BABAM2: variants seen among roughly 807,000 people sequenced by gnomAD.
BABAM2 encodes BRISC and BRCA1 A complex member 2, also known as BRISC and BRCA1-A complex member 2.
Under a neutral mutation model 54.7 loss-of-function variants are expected in BABAM2, and 31 were observed. That is an observed-to-expected ratio of 0.57 (90% CI 0.43 to 0.77). The LOEUF (loss-of-function observed/expected upper bound fraction) is 0.77. Among genes scored for constraint, BABAM2 ranks in the 30% least tolerant of loss-of-function variants. The pLI is 0.00. For synonymous variants in BABAM2, 167 were observed against 162.9 expected, an observed-to-expected ratio of 1.03 and a Z score of -0.19; for missense variants, 364 against 455.8, an observed-to-expected ratio of 0.80 and a Z score of 1.83.
chr2:27,974,332 A>T (rs1671435472), intron 3 of BABAM2, among the ~76,000 whole-genome samples: 1 of 152,160 alleles, frequency 6.6e-6, no homozygotes, highest in Non-Finnish European at 1.5e-5. Context: ...ATTTAGCAAC[A>T]TATATAAAAT....
intron 11 of BABAM2, chr2:28,327,596 G>A: frequency 1.1e-6 from 1 of 949,308 alleles, no homozygotes; most frequent in Non-Finnish European, 1.5e-6. Flanking sequence ...ACCACAGTCA[G>A]CCTTCTCACA....
chr2:28,175,219 T>C (rs1207268550), intron 7 of BABAM2, among the ~76,000 whole-genome samples: 1 of 152,150 alleles, frequency 6.6e-6, no homozygotes, highest in East Asian at 1.9e-4. Flanking sequence ...CACCTGCTGC[T>C]ACTGACAGCA....
chr2:28,292,371 A>G (rs776241267), intron 10 of BABAM2, among the ~76,000 whole-genome samples: 4 of 152,134 alleles, frequency 2.6e-5, no homozygotes, highest in Admixed American at 6.5e-5. Flanking sequence ...TTTCTTAACC[A>G]TGCTTGGTGG....
intron 3 of BABAM2, among the ~76,000 whole-genome samples, chr2:27,945,246 C>G (rs774364681): frequency 7.9e-5 from 12 of 152,074 alleles, no homozygotes; most frequent in Middle Eastern, 6.8e-3. Context: ...CCAGGCTGGT[C>G]TCGAACTCCT....
At chr2:28,015,275 C>T in intron 4 of BABAM2, among the ~76,000 whole-genome samples, 1 of 152,094 alleles carries the variant, frequency 6.6e-6, no homozygotes, top group Non-Finnish European at 1.5e-5. Flanking sequence ...AAGCTCCTTC[C>T]CCAGGTAAAT....
At chr2:27,983,194 A>G (rs1416227901) in intron 3 of BABAM2, among the ~76,000 whole-genome samples, 1 of 151,954 alleles carries the variant, frequency 6.6e-6, no homozygotes, top group Non-Finnish European at 1.5e-5. Flanking sequence ...GTTTGATAGT[A>G]GCTCTTCTAA....
intron 6 of BABAM2, among the ~76,000 whole-genome samples, chr2:28,072,887 A>G (rs1360867099): frequency 6.6e-6 from 1 of 152,254 alleles, no homozygotes; most frequent in Non-Finnish European, 1.5e-5. Flanking sequence ...ACCTAGTTCC[A>G]ATAATTATCA....
At chr2:28,287,351 A>G (rs751225560) in intron 10 of BABAM2, among the ~76,000 whole-genome samples, 1 of 152,190 alleles carries the variant, frequency 6.6e-6, no homozygotes, top group Non-Finnish European at 1.5e-5. Flanking sequence ...TCTTTTAAAA[A>G]TAGAAGTTAA....
At chr2:28,017,061 A>G (rs1037102373) in intron 4 of BABAM2, among the ~76,000 whole-genome samples, 6 of 152,198 alleles carry the variant, frequency 3.9e-5, no homozygotes, top group African/African-American at 1.4e-4. Flanking sequence ...CCATCCTCAA[A>G]TTCATGTTAT....
At chr2:27,933,523 C>A (rs1348014349) in intron 3 of BABAM2, among the ~76,000 whole-genome samples, 1 of 151,432 alleles carries the variant, frequency 6.6e-6, no homozygotes, top group African/African-American at 2.4e-5. Flanking sequence ...TATATACACA[C>A]ACATATGTGA....
At chr2:28,248,316 TCTC>T (rs1683098805) in intron 10 of BABAM2, among the ~76,000 whole-genome samples, 1 of 146,552 alleles carries the variant, frequency 6.8e-6, no homozygotes, top group Non-Finnish European at 1.5e-5. Flanking sequence ...TTCAAGCAAT[TCTC>T]CTGCCTCAGC....
chr2:27,967,206 T>A (rs1159964787), intron 3 of BABAM2, among the ~76,000 whole-genome samples: 2 of 152,150 alleles, frequency 1.3e-5, no homozygotes, highest in African/African-American at 4.8e-5. Flanking sequence ...CCAGATCTCA[T>A]CTTGAATTCC....
At chr2:28,290,770 A>G (rs1315973357) in intron 10 of BABAM2, among the ~76,000 whole-genome samples, 1 of 152,182 alleles carries the variant, frequency 6.6e-6, no homozygotes, top group Non-Finnish European at 1.5e-5. Context: ...TAAAAGCTAA[A>G]TCTTCCTTAA....
chr2:28,259,104 T>TTTC (rs1684263797), intron 10 of BABAM2, among the ~76,000 whole-genome samples: 1 of 130,780 alleles, frequency 7.6e-6, no homozygotes. Context: ...TTTTTTTTTT[T>TTTC]TTCAGACTGA....
intron 7 of BABAM2, among the ~76,000 whole-genome samples, chr2:28,231,893 C>T (rs1436520427): frequency 7.1e-6 from 1 of 141,176 alleles, no homozygotes; most frequent in African/African-American, 2.8e-5. Flanking sequence ...TTGTAACCTC[C>T]AACTCCTGGC....
chr2:28,308,402 A>G (rs750151873), intron 11 of BABAM2: 6 of 515,258 alleles, frequency 1.2e-5, no homozygotes, highest in Non-Finnish European at 2.3e-5. Flanking sequence ...GGTTCCCCCA[A>G]CCACTGAGTC....
intron 6 of BABAM2, among the ~76,000 whole-genome samples, chr2:28,073,300 G>A (rs1447984861): frequency 6.6e-6 from 1 of 152,146 alleles, no homozygotes; most frequent in Admixed American, 6.5e-5. Context: ...TTTGAGACCA[G>A]CCTGGGCAAC....
At chr2:28,324,152 A>G (rs1690253786) in intron 11 of BABAM2, among the ~76,000 whole-genome samples, 2 of 152,182 alleles carry the variant, frequency 1.3e-5, no homozygotes, top group Non-Finnish European at 2.9e-5. Context: ...TAGCCCTCGA[A>G]ATTCATTACT....
At chr2:27,975,849 A>G (rs1161611973) in intron 3 of BABAM2, among the ~76,000 whole-genome samples, 2 of 152,140 alleles carry the variant, frequency 1.3e-5, no homozygotes, top group African/African-American at 2.4e-5. Context: ...AAAAGTCAAC[A>G]TTAAGAAAAC....
Sources: gnomAD v4.1 joint callset for allele counts (sites outside exome capture counted in the v4.1 genomes callset) on GRCh38, gnomAD v4.1.1 for gene constraint, MANE v1.5 for transcripts, NCBI Gene and HGNC (gene_info 2026-07-23, HGNC 2026-07-21) for gene names.